Variants in CAMTA1 observed in about 807,000 individuals in gnomAD.
CAMTA1 encodes calmodulin-binding transcription activator 1.
CAMTA1 carries 27 observed loss-of-function variants against 170.9 expected under a neutral mutation model. The observed-to-expected ratio is 0.16, with a 90% CI of 0.12 to 0.22. CAMTA1 has a LOEUF of 0.22. CAMTA1 is among the 10% of genes least tolerant of loss of function. CAMTA1 has a pLI of 1.00. For synonymous variants in CAMTA1, 833 were observed against 891.5 expected, an observed-to-expected ratio of 0.93 and a Z score of 1.17; for missense variants, 1,619 against 2,217.2, an observed-to-expected ratio of 0.73 and a Z score of 5.42.
chr1:7,705,558 G>C (rs2096510560), intron 11 of CAMTA1, among the ~76,000 whole-genome samples: 1 of 150,844 alleles, frequency 6.6e-6, no homozygotes, highest in Non-Finnish European at 1.5e-5. Flanking sequence ...GCGGGGGCCC[G>C]GCCCGGCCGG....
intron 5 of CAMTA1, among the ~76,000 whole-genome samples, chr1:7,375,501 G>T (rs957250351): frequency 6.6e-6 from 1 of 152,198 alleles, no homozygotes; most frequent in African/African-American, 2.4e-5. Flanking sequence ...TGAGGCGGAC[G>T]CACATGGTGT....
At position 7,075,654 on chromosome 1, in the gene CAMTA1, T is replaced by G. The variant is rs61528401; in HGVS notation, c.235-15650T>G. The stretch of plus-strand genomic sequence containing the variant: ...TTGACTTCCCGTGGTGCACTTTCAA[T>G]CTCAGTGATTTTTTTTTTTTTTTTT... On this transcript the variant is annotated intron_variant, in intron 3 of 22. Coordinates refer to ENST00000303635, the MANE Select transcript of CAMTA1 (RefSeq NM_015215.4). Among the ~76,000 whole-genome samples the G allele has an allele frequency of 4.9e-3, 677 of 139,358 alleles. 18 individuals carry two copies. In the East Asian group the frequency reaches 0.073, roughly 15 times the overall value. The allele number at this position is 139,358 out of a possible 152,430, so 91.4% of individuals were successfully genotyped here. A position where few individuals can be genotyped will look rare whatever the true frequency, so the allele number is the denominator to read the frequency against.
chr1:6,895,160 T>A (rs1251129040), intron 3 of CAMTA1, among the ~76,000 whole-genome samples: 2 of 152,184 alleles, frequency 1.3e-5, no homozygotes, highest in Non-Finnish European at 2.9e-5. Flanking sequence ...CTGTCCGCTG[T>A]TAAAAGGTGT....
intron 4 of CAMTA1, among the ~76,000 whole-genome samples, chr1:7,132,578 G>T (rs1293859059): frequency 6.6e-6 from 1 of 152,188 alleles, no homozygotes; most frequent in Non-Finnish European, 1.5e-5. Flanking sequence ...AGGGTTGGTG[G>T]CTCCTGCCTG....
At chr1:7,177,814 T>G (rs1338728652) in intron 4 of CAMTA1, among the ~76,000 whole-genome samples, 9 of 149,902 alleles carry the variant, frequency 6.0e-5, no homozygotes, top group Non-Finnish European at 1.3e-4. Flanking sequence ...TCCCACACAC[T>G]GAGCCCCTTG....
intron 5 of CAMTA1, among the ~76,000 whole-genome samples, chr1:7,271,330 C>T (rs1669769930): frequency 6.6e-6 from 1 of 152,158 alleles, no homozygotes; most frequent in African/African-American, 2.4e-5. Context: ...GCATCTTGAT[C>T]ATGGACTCCT....
At chr1:7,054,713 C>T (rs1027661310) in intron 3 of CAMTA1, among the ~76,000 whole-genome samples, 6 of 152,202 alleles carry the variant, frequency 3.9e-5, no homozygotes, top group African/African-American at 9.6e-5. Flanking sequence ...ACACCACTTC[C>T]GGCTCTGTGA....
chr1:7,137,030 T>G (rs1464501084), intron 4 of CAMTA1, among the ~76,000 whole-genome samples: 1 of 152,212 alleles, frequency 6.6e-6, no homozygotes, highest in Non-Finnish European at 1.5e-5. Context: ...ATCTCGGACT[T>G]AAGCGTCTGA....
At chr1:7,587,000 C>T (rs555870742) in intron 6 of CAMTA1, among the ~76,000 whole-genome samples, 1 of 151,874 alleles carries the variant, frequency 6.6e-6, no homozygotes, top group South Asian at 2.1e-4. Flanking sequence ...TGTGATGTCC[C>T]CAACCACCCC....
chr1:7,188,175 C>G (rs1653811014), intron 4 of CAMTA1, among the ~76,000 whole-genome samples: 1 of 152,138 alleles, frequency 6.6e-6, no homozygotes, highest in Non-Finnish European at 1.5e-5. Flanking sequence ...CCCCCATGAT[C>G]CAATCACCTC....
chr1:6,962,502 T>G (rs1690627638), intron 3 of CAMTA1, among the ~76,000 whole-genome samples: 1 of 145,694 alleles, frequency 6.9e-6, no homozygotes, highest in African/African-American at 2.6e-5. Flanking sequence ...TCAGAACCTA[T>G]CCCGTTTCCT....
intron 4 of CAMTA1, among the ~76,000 whole-genome samples, chr1:7,174,182 G>A (rs1650273965): frequency 6.6e-6 from 1 of 152,170 alleles, no homozygotes; most frequent in African/African-American, 2.4e-5. Flanking sequence ...GTCAGGCCGG[G>A]AAAATGGTTG....
At chr1:7,274,587 G>A (rs1038482706) in intron 5 of CAMTA1, among the ~76,000 whole-genome samples, 1 of 152,054 alleles carries the variant, frequency 6.6e-6, no homozygotes, top group African/African-American at 2.4e-5. Flanking sequence ...CAAACAACTC[G>A]ATCTAATTGA....
intron 5 of CAMTA1, among the ~76,000 whole-genome samples, chr1:7,377,845 C>T (rs845212): frequency 0.28 from 43,240 of 151,824 alleles, 7,407 homozygotes; most frequent in Non-Finnish European, 0.37. Flanking sequence ...CGCTTGAACC[C>T]GGGAGGCAGA....
intron 11 of CAMTA1, among the ~76,000 whole-genome samples, chr1:7,691,808 C>T (rs573279947): frequency 6.6e-6 from 1 of 152,272 alleles, no homozygotes; most frequent in South Asian, 2.1e-4. Context: ...GAATAAAGCA[C>T]ATCTGTGGGT....
rs544422106 is a variant in CAMTA1 at position 7,352,572 on chromosome 1, G to A, written c.438+102946G>A. 6.9e-4 allele frequency among the ~76,000 whole-genome samples: 105 copies of A among 152,276 alleles called. 1 individual carries two copies. In the South Asian group the frequency reaches 0.022, roughly 32 times the overall value. ...ATTTCCTCTCCAGGGCAGACTCCTT[G>A]GCCATCCACCCATGGGCCCCTTTCC... On this transcript the variant is annotated intron_variant, in intron 5 of 22. Transcript: ENST00000303635.
At chr1:7,269,122 C>CTT (rs1669330415) in intron 5 of CAMTA1, among the ~76,000 whole-genome samples, 1 of 152,232 alleles carries the variant, frequency 6.6e-6, no homozygotes, top group South Asian at 2.1e-4. Flanking sequence ...CATGGCTTGA[C>CTT]TGAGTCCTCT....
intron 6 of CAMTA1, among the ~76,000 whole-genome samples, chr1:7,596,859 A>G (rs1319295235): frequency 2.3e-5 from 1 of 43,828 alleles, no homozygotes; most frequent in Non-Finnish European, 4.5e-5. Flanking sequence ...ACCCCCACCC[A>G]TGTCTCTATC....
intron 5 of CAMTA1, among the ~76,000 whole-genome samples, chr1:7,284,130 T>TTCTTCTTCC (rs1346045302): frequency 8.2e-5 from 4 of 48,526 alleles, no homozygotes; most frequent in African/African-American, 3.1e-4. Flanking sequence ...GCTGCTGTTC[T>TTCTTCTTCC]TCTTCTTCTT....
Sources: allele counts gnomAD v4.1 joint callset (sites outside exome capture counted in the v4.1 genomes callset), GRCh38; gene constraint gnomAD v4.1.1; transcripts MANE v1.5; gene names NCBI Gene and HGNC (gene_info 2026-07-23, HGNC 2026-07-21).